The following RFX7 variants were observed in gnomAD, a reference collection of about 807,000 sequenced individuals.
The protein encoded by RFX7 is DNA-binding protein RFX7.
In RFX7, 26 loss-of-function variants were observed where a neutral mutation model predicts 111.8. That is an observed-to-expected ratio of 0.23 (90% CI 0.17 to 0.32). RFX7 has a LOEUF of 0.32. RFX7 is among the 10% of genes least tolerant of loss of function. The pLI, the probability that RFX7 is intolerant of heterozygous loss-of-function variation, is 1.00. For synonymous variants in RFX7, 624 were observed against 624.4 expected, an observed-to-expected ratio of 1.00 and a Z score of 0.01; for missense variants, 1,573 against 1,772.9, an observed-to-expected ratio of 0.89 and a Z score of 2.02.
At chr15:56,157,227 A>G (rs2042664028) in intron 3 of RFX7, among the ~76,000 whole-genome samples, 1 of 152,122 alleles carries the variant, frequency 6.6e-6, no homozygotes, top group African/African-American at 2.4e-5. Flanking sequence ...AGTCAAATCT[A>G]TCAATCTTTT....
rs1200097761 is a variant in RFX7 at position 56,116,655 on chromosome 15, T to C, written c.402-12985A>G. Among the ~76,000 whole-genome samples, 3 of 152,162 alleles carry C rather than the reference T, an allele frequency of 2.0e-5. 1 individual carries two copies. The highest frequency in any genetic ancestry group is 2.0e-4 in the Admixed American group (3 of 15,298). On this transcript the variant is annotated intron_variant, in intron 5 of 9. Coordinates refer to ENST00000559447, the MANE Select transcript of RFX7 (RefSeq NM_022841.7). ...ACGATACCCAGTTGGCCCAAGAACA[T>C]ATAAGAAAGGCACTCAACTTCATTA...
chr15:56,111,661 C>CAAAAAAAAAAAAAAAAAAAACCAA (rs371681721), intron 5 of RFX7, among the ~76,000 whole-genome samples: 1 of 95,570 alleles, frequency 1.0e-5, no homozygotes, highest in Non-Finnish European at 2.0e-5. Flanking sequence ...ATAAATAAAC[C>CAAAAAAAAAAAAAAAAAAAACCAA]AAAAAAAAAA....
intron 2 of RFX7, among the ~76,000 whole-genome samples, chr15:56,237,707 C>A (rs925076995): frequency 6.6e-6 from 1 of 152,162 alleles, no homozygotes; most frequent in Non-Finnish European, 1.5e-5. Flanking sequence ...TAAATATGTA[C>A]ATATCCACTA....
intron 3 of RFX7, among the ~76,000 whole-genome samples, chr15:56,166,167 A>T (rs915930955): frequency 3.9e-5 from 6 of 152,124 alleles, no homozygotes; most frequent in African/African-American, 1.4e-4. Flanking sequence ...AAGTGTTGGG[A>T]TTACAGGCAT....
rs757896924 is a variant in RFX7, at chr15:56,096,619, A to T, written c.1109T>A (p.Val370Asp). 40 of 1,568,630 alleles carry T rather than the reference A, an allele frequency of 2.5e-5. No homozygotes were observed. Among genetic ancestry groups the T allele is most frequent in the Middle Eastern group, 1.7e-4 (1 of 6,004 alleles). ...AGTTACCAATTGCCTAGTCCGCTGG[A>T]CCTGTTAAAAGATAGCAAAAAATCA... is the stretch of plus-strand genomic sequence containing the variant. ...VVAAVPSPIP[V>D]QRTRQLVTSP... Residue 370 changes from valine (V) to aspartate (D), a missense_variant and splice_region_variant, in exon 10 of 10, where the codon GTC becomes GAC. By Grantham distance (152) the Val-to-Asp change is radical (BLOSUM62 -3). Transcript: ENST00000559447.
intron 3 of RFX7, among the ~76,000 whole-genome samples, chr15:56,174,849 G>C (rs2042886359): frequency 6.6e-6 from 1 of 151,848 alleles, no homozygotes; most frequent in Non-Finnish European, 1.5e-5. Context: ...GAGCGTCCAT[G>C]AACAAGCTAA....
intron 2 of RFX7, among the ~76,000 whole-genome samples, chr15:56,232,389 A>C (rs2043570134): frequency 6.6e-6 from 1 of 152,210 alleles, no homozygotes; most frequent in Admixed American, 6.5e-5. Flanking sequence ...TCTAGGTTGC[A>C]AAGAGCAGGG....
Position 56,239,986 on chromosome 15 carries a change from T to A in RFX7, c.161+3139A>T, listed in dbSNP as rs1439135307. On this transcript the variant is annotated intron_variant, in intron 2 of 9. Transcript: ENST00000559447. The stretch of plus-strand genomic sequence containing the variant: ...AGGGAAAACTTGCTTTGGTATTTCT[T>A]TTTTTTTTTTTTTTTTTTTTGAAGT... Among the ~76,000 whole-genome samples the A allele has an allele frequency of 2.3e-5, 2 of 85,328 alleles. 1 individual carries two copies. 56.0% of individuals were successfully genotyped at this position (85,328 alleles called of 152,430 possible).
intron 2 of RFX7, among the ~76,000 whole-genome samples, chr15:56,184,097 G>A (rs563392491): frequency 1.4e-3 from 205 of 148,718 alleles, no homozygotes; most frequent in African/African-American, 4.9e-3. Flanking sequence ...GCGGCTCACC[G>A]CAACCTCCAC....
chr15:56,090,769 T>G lies in RFX7; in HGVS notation c.*2576A>C, dbSNP rs1325250919. On this transcript the variant is annotated 3_prime_UTR_variant, in exon 10 of 10. Coordinates refer to ENST00000559447, the MANE Select transcript of RFX7 (RefSeq NM_022841.7). ...AGTAAAGCACATTATAGTACAAGAC[T>G]ATTATATGAACCTCAGAAGCACTGC... 1.3e-5 allele frequency: 2 copies of G among 152,586 alleles called. No homozygotes were observed. The highest frequency in any genetic ancestry group is 2.9e-5 in the Non-Finnish European group (2 of 68,026). The allele number at this position is 152,586 out of a possible 1,614,324, so 9.5% of individuals were successfully genotyped here.
chr15:56,110,289 T>A (rs868559446), intron 5 of RFX7, among the ~76,000 whole-genome samples: 3 of 38,356 alleles, frequency 7.8e-5, no homozygotes, highest in Non-Finnish European at 5.1e-5. Context: ...GCCCCCCGCC[T>A]GGCCAGCCGC....
At position 56,200,007 on chromosome 15, in the gene RFX7, C is replaced by T. The variant is rs1199669538; in HGVS notation, c.162-20704G>A. 3.3e-5 allele frequency among the ~76,000 whole-genome samples: 5 copies of T among 152,214 alleles called. No individual in the cohort carries two copies. The East Asian group carries it at 9.6e-4, about 29-fold the overall frequency. On this transcript the variant is annotated intron_variant, in intron 2 of 9. Transcript: ENST00000559447. Reference sequence around the variant, plus strand: ...GCTATGATTATGTCTGATAATAATGCCTCCACTTTACACTGGGATTTTAAT... The same window carrying T: ...GCTATGATTATGTCTGATAATAATGTCTCCACTTTACACTGGGATTTTAAT...
Position 56,095,151 on chromosome 15 carries a change from A to T in RFX7, c.2577T>A (p.Ser859=), listed in dbSNP as rs766985625. The change falls in exon 10 of 10, where the codon TCT becomes TCA. Residue 859 remains serine, a synonymous_variant. Transcript: ENST00000559447. ...CAGAAGGCTCAAACTCCTTCAGTTC[A>T]GATTGCAGAGGTAACTGATCTGAAG... ...AHSSDQLPLQ[S]ELKEFEPSVS... The T allele has an allele frequency of 1.2e-6, 2 of 1,613,862 alleles. No homozygotes were observed. The highest frequency in any genetic ancestry group is 1.7e-6 in the Non-Finnish European group (2 of 1,179,862).
intron 3 of RFX7, among the ~76,000 whole-genome samples, chr15:56,169,956 T>C (rs2042827773): frequency 1.3e-5 from 2 of 152,094 alleles, no homozygotes; most frequent in Non-Finnish European, 2.9e-5. Flanking sequence ...GAATGAGTTA[T>C]CTTTACTTAT....
chr15:56,088,667 C>T lies in RFX7; in HGVS notation c.*4678G>A, dbSNP rs2041557450. The T allele has an allele frequency of 1.3e-5, 2 of 152,010 alleles. No individual in the cohort carries two copies. Among genetic ancestry groups the T allele is most frequent in the South Asian group, 4.2e-4 (2 of 4,818 alleles). 9.4% of individuals were successfully genotyped at this position (152,010 alleles called of 1,614,324 possible). A position where few individuals can be genotyped will look rare whatever the true frequency, so the allele number is the denominator to read the frequency against. Reference sequence around the variant, plus strand: ...TAATTATTTAAAAATTCATTTATAACAATGCATGTCAAAATAAATCTGTAC... The same window carrying T: ...TAATTATTTAAAAATTCATTTATAATAATGCATGTCAAAATAAATCTGTAC... On this transcript the variant is annotated 3_prime_UTR_variant, in exon 10 of 10. Coordinates refer to ENST00000559447, the MANE Select transcript of RFX7 (RefSeq NM_022841.7).
intron 2 of RFX7, among the ~76,000 whole-genome samples, chr15:56,198,571 TGGGAAACTCCATA>T (rs1439082231): frequency 6.6e-6 from 1 of 152,122 alleles, no homozygotes; most frequent in African/African-American, 2.4e-5. Context: ...ATCCAGACTG[TGGGAAACTCCATA>T]GGACAAAGGA....
At chr15:56,111,661 CAAAAA>C (rs371681721) in intron 5 of RFX7, among the ~76,000 whole-genome samples, 3 of 95,578 alleles carry the variant, frequency 3.1e-5, no homozygotes, top group South Asian at 4.0e-4. Context: ...ATAAATAAAC[CAAAAA>C]AAAAAAAAAA....
At chr15:56,236,321 G>GT (rs2043623130) in intron 2 of RFX7, among the ~76,000 whole-genome samples, 1 of 152,182 alleles carries the variant, frequency 6.6e-6, no homozygotes, top group African/African-American at 2.4e-5. Flanking sequence ...TAGTCAGCAA[G>GT]TAAGTGCATT....
chr15:56,165,922 G>A (rs558037844), intron 3 of RFX7, among the ~76,000 whole-genome samples: 2 of 152,244 alleles, frequency 1.3e-5, no homozygotes, highest in African/African-American at 2.4e-5. Context: ...CAGGTGATAG[G>A]ACAGGGTCTC....
Sources: gnomAD v4.1 joint callset for allele counts (sites outside exome capture counted in the v4.1 genomes callset) on GRCh38, gnomAD v4.1.1 for gene constraint, MANE v1.5 for transcripts, NCBI Gene and HGNC (gene_info 2026-07-23, HGNC 2026-07-21) for gene names.